Variants in ARFGEF1 observed in about 807,000 individuals in gnomAD.
ARFGEF1 encodes ARF guanine nucleotide exchange factor 1.
ARFGEF1 carries 42 observed loss-of-function variants against 231.0 expected under a neutral mutation model. The observed-to-expected ratio is 0.18, with a 90% CI of 0.14 to 0.24. The LOEUF (loss-of-function observed/expected upper bound fraction) is 0.24. Ranked by LOEUF, ARFGEF1 falls within the 10% of genes least tolerant of loss-of-function variation. The pLI, the probability that ARFGEF1 is intolerant of heterozygous loss-of-function variation, is 1.00. For synonymous variants in ARFGEF1, 710 were observed against 732.3 expected (o/e 0.97, Z 0.49); for missense variants, 1,345 against 2,192.0 (o/e 0.61, Z 7.72).
At chr8:67,285,817 A>G (rs1324345583) in intron 7 of ARFGEF1, among the ~76,000 whole-genome samples, 1 of 152,224 alleles carries the variant, frequency 6.6e-6, no homozygotes, top group Non-Finnish European at 1.5e-5. Flanking sequence ...ATAGGATGGT[A>G]AAGAAACCAT....
intron 29 of ARFGEF1, among the ~76,000 whole-genome samples, chr8:67,220,595 TG>T (rs1173875224): frequency 1.3e-5 from 2 of 152,194 alleles, no homozygotes; most frequent in Non-Finnish European, 2.9e-5. Context: ...ATACTAGCAG[TG>T]GTAAAGAAAC....
chr8:67,260,474 G>C (rs1804570277), intron 14 of ARFGEF1, among the ~76,000 whole-genome samples: 1 of 152,124 alleles, frequency 6.6e-6, no homozygotes, highest in South Asian at 2.1e-4. Context: ...ATCTGATACT[G>C]TGACCTGTGA....
At chr8:67,276,222 T>C (rs574356100) in intron 8 of ARFGEF1, 113 bp from the exon 9 acceptor site, 2 of 1,179,166 alleles carry the variant, frequency 1.7e-6, no homozygotes, top group South Asian at 1.5e-5. Context: ...TCCCCCACTG[T>C]TGGAAGGGGA....
chr8:67,311,297 A>G (rs1587287391), intron 1 of ARFGEF1, among the ~76,000 whole-genome samples: 1 of 88,430 alleles, frequency 1.1e-5, no homozygotes, highest in Non-Finnish European at 2.2e-5. Flanking sequence ...GGGGGGGGTC[A>G]GCCCCCCCGC....
Position 67,271,961 on chromosome 8 carries a change from G to A in ARFGEF1, c.1338-25C>T, listed in dbSNP as rs569696688. The stretch of plus-strand genomic sequence containing the variant: ...CCTAAAATGTAAAAAAGAAGGCATA[G>A]TATATGAACAAGGTTGGCATTATAG... On this transcript the variant is annotated intron_variant, in intron 9 of 38. Transcript: ENST00000262215. 7 of 1,459,948 alleles carry A rather than the reference G, an allele frequency of 4.8e-6. No individual in the cohort carries two copies. The South Asian group carries it at 6.1e-5, about 13-fold the overall frequency. 90.4% of individuals were successfully genotyped at this position (1,459,948 alleles called of 1,614,324 possible).
intron 1 of ARFGEF1, among the ~76,000 whole-genome samples, chr8:67,310,674 A>G (rs1287709902): frequency 7.7e-6 from 1 of 130,260 alleles, no homozygotes; most frequent in African/African-American, 3.0e-5. Context: ...CCGGCCGCCC[A>G]TCGTCTGAGA....
At chr8:67,216,814 C>T (rs752203156) in intron 32 of ARFGEF1, 152 bp from the exon 33 acceptor site, 5 of 494,810 alleles carry the variant, frequency 1.0e-5, no homozygotes, top group Non-Finnish European at 1.7e-5. Flanking sequence ...TCCTAAAAAA[C>T]ATCTAGTAAA....
At chr8:67,277,241 A>T in intron 8 of ARFGEF1, 41 bp downstream of exon 8, 1 of 1,595,276 alleles carries the variant, frequency 6.3e-7, no homozygotes, top group Non-Finnish European at 8.6e-7. Flanking sequence ...AATTTGTAAG[A>T]TTAACAGGAT....
intron 15 of ARFGEF1, among the ~76,000 whole-genome samples, chr8:67,259,330 G>A (rs985658411): frequency 2.0e-4 from 30 of 152,278 alleles, no homozygotes; most frequent in African/African-American, 7.0e-4. Flanking sequence ...GGGTTCAAGT[G>A]TTTCTCCTGC....
At chr8:67,289,549 CA>C (rs552601455) in intron 6 of ARFGEF1, among the ~76,000 whole-genome samples, 4,639 of 44,686 alleles carry the variant, frequency 0.1, 17 homozygotes, top group African/African-American at 0.18. Context: ...ACTCTGTATC[CA>C]AAAAAAAAAA....
At chr8:67,315,238 A>G (rs1807253890) in intron 1 of ARFGEF1, among the ~76,000 whole-genome samples, 1 of 152,196 alleles carries the variant, frequency 6.6e-6, no homozygotes, top group Non-Finnish European at 1.5e-5. Flanking sequence ...GTATATAACA[A>G]AGAGCTTCAA....
At chr8:67,242,773 C>A (rs751944814) in intron 19 of ARFGEF1, among the ~76,000 whole-genome samples, 5 of 152,190 alleles carry the variant, frequency 3.3e-5, no homozygotes, top group African/African-American at 4.8e-5. Flanking sequence ...CTGCCCTGGG[C>A]CAGAGGGAAG....
chr8:67,336,084 A>G (rs1808334923), intron 1 of ARFGEF1, among the ~76,000 whole-genome samples: 1 of 152,270 alleles, frequency 6.6e-6, no homozygotes, highest in African/African-American at 2.4e-5. Flanking sequence ...CTGAATGAAA[A>G]GATAACATAG....
In ARFGEF1 at chr8:67,211,558, C is replaced by T. The variant is rs371657272; in HGVS notation, c.4744G>A (p.Asp1582Asn). Residue 1582 changes from aspartate (D) to asparagine (N), a missense_variant, in exon 34 of 39, where the codon GAT becomes AAT. Transcript: ENST00000262215. ...IHDSIQPRSV[D>N]NRPQAPLVSA... ...ACCAGTGGTGCTTGTGGTCTGTTAT[C>T]CACAGACCTTGGTTGAATAGAATCA... 3.2e-6 allele frequency: 5 copies of T among 1,581,314 alleles called. No homozygotes were observed. Among genetic ancestry groups the T allele is most frequent in the Admixed American group, 3.6e-5 (2 of 56,300 alleles).
At chr8:67,246,566 T>C (rs1369681058) in intron 19 of ARFGEF1, among the ~76,000 whole-genome samples, 4 of 150,368 alleles carry the variant, frequency 2.7e-5, no homozygotes, top group South Asian at 4.2e-4. Context: ...CAAATGATAA[T>C]GAAGACACAA....
chr8:67,278,476 A>G (rs1361472373), intron 7 of ARFGEF1, among the ~76,000 whole-genome samples: 2 of 152,308 alleles, frequency 1.3e-5, no homozygotes, highest in African/African-American at 2.4e-5. Flanking sequence ...CTTGAGTAAT[A>G]TGAAAGGAGT....
intron 29 of ARFGEF1, among the ~76,000 whole-genome samples, chr8:67,222,775 G>A (rs1020801361): frequency 5.3e-5 from 8 of 151,738 alleles, no homozygotes; most frequent in Non-Finnish European, 1.0e-4. Flanking sequence ...TAGTAGAGAT[G>A]GGGTTTCACC....
At chr8:67,316,469 T>C (rs1337837628) in intron 1 of ARFGEF1, among the ~76,000 whole-genome samples, 1 of 152,080 alleles carries the variant, frequency 6.6e-6, no homozygotes, top group Non-Finnish European at 1.5e-5. Context: ...GTATAATTTT[T>C]TTTTTTTTCT....
At chr8:67,330,176 T>G (rs1808033995) in intron 1 of ARFGEF1, among the ~76,000 whole-genome samples, 1 of 152,072 alleles carries the variant, frequency 6.6e-6, no homozygotes, top group East Asian at 1.9e-4. Flanking sequence ...ATTTTGCATA[T>G]TAATTACCTA....
Sources: gnomAD v4.1 joint callset for allele counts (sites outside exome capture counted in the v4.1 genomes callset) on GRCh38, gnomAD v4.1.1 for gene constraint, MANE v1.5 for transcripts, NCBI Gene and HGNC (gene_info 2026-07-23, HGNC 2026-07-21) for gene names.